RAB38: variants seen among roughly 807,000 people sequenced by gnomAD.
RAB38 encodes ras-related protein Rab-38.
RAB38 carries 15 observed loss-of-function variants against 18.4 expected under a neutral mutation model. The ratio of observed to expected loss-of-function variants is 0.82; its 90% CI spans 0.55 to 1.26. The LOEUF is 1.26. Among genes scored for constraint, RAB38 ranks in the 50% most tolerant of loss-of-function variants. The pLI is 0.00. For synonymous variants in RAB38, 101 were observed against 104.4 expected (o/e 0.97, Z 0.20); for missense variants, 294 against 267.4 (o/e 1.10, Z -0.69).
the RAB38 span, chr11:88,061,947 G>T: frequency 6.6e-6 from 1 of 151,946 alleles, no homozygotes; most frequent in Non-Finnish European, 1.5e-5. Context: ...CTTCAATTTT[G>T]CTGTTCAAGA....
At chr11:87,926,692 C>G in the RAB38 span, among the ~76,000 whole-genome samples, 1 of 151,952 alleles carries the variant, frequency 6.6e-6, no homozygotes, top group Non-Finnish European at 1.5e-5. Flanking sequence ...GCTGGTGCTG[C>G]TAAGGAGTTG....
chr11:87,831,341 C>T, the RAB38 span, among the ~76,000 whole-genome samples: 1 of 152,080 alleles, frequency 6.6e-6, no homozygotes, highest in South Asian at 2.1e-4. Context: ...TATGCTTAGC[C>T]CCATGTCTGT....
the RAB38 span, among the ~76,000 whole-genome samples, chr11:87,882,161 T>C: frequency 6.6e-6 from 1 of 151,886 alleles, no homozygotes; most frequent in African/African-American, 2.4e-5. Flanking sequence ...CATTCTTATA[T>C]CCTTGATTGC....
chr11:88,037,798 G>A, the RAB38 span, among the ~76,000 whole-genome samples: 1 of 152,018 alleles, frequency 6.6e-6, no homozygotes, highest in East Asian at 1.9e-4. Flanking sequence ...CCATTGTAAA[G>A]ATATAATAAC....
chr11:88,096,248 T>C, the RAB38 span, among the ~76,000 whole-genome samples: 9 of 152,030 alleles, frequency 5.9e-5, no homozygotes, highest in South Asian at 2.1e-4. Context: ...TTGACCTCTT[T>C]ACAGTTCCTT....
chr11:87,912,569 ATGT>A, the RAB38 span, among the ~76,000 whole-genome samples: 10 of 151,638 alleles, frequency 6.6e-5, no homozygotes, highest in Non-Finnish European at 1.5e-4. Flanking sequence ...TTGGTAATTT[ATGT>A]TGTTTTTTGC....
intron 1 of RAB38, among the ~76,000 whole-genome samples, chr11:88,153,279 C>T (rs1169445067): frequency 6.6e-6 from 1 of 152,158 alleles, no homozygotes; most frequent in Non-Finnish European, 1.5e-5. Context: ...AAACTTTGGC[C>T]CTCTGTCCCA....
At chr11:88,044,520 A>G in the RAB38 span, among the ~76,000 whole-genome samples, 1 of 152,232 alleles carries the variant, frequency 6.6e-6, no homozygotes, top group African/African-American at 2.4e-5. Flanking sequence ...TTCTTCTACA[A>G]TGCTGCTTGA....
At chr11:88,011,161 A>G in the RAB38 span, among the ~76,000 whole-genome samples, 1 of 152,248 alleles carries the variant, frequency 6.6e-6, no homozygotes, top group Non-Finnish European at 1.5e-5. Flanking sequence ...CTGGTGTATG[A>G]CAGATATAGT....
chr11:88,036,410 G>T, the RAB38 span, among the ~76,000 whole-genome samples: 1 of 152,118 alleles, frequency 6.6e-6, no homozygotes, highest in Non-Finnish European at 1.5e-5. Context: ...AATCATTAAT[G>T]CTAACAAAAA....
At chr11:88,088,947 C>CA in the RAB38 span, among the ~76,000 whole-genome samples, 31,513 of 148,694 alleles carry the variant, frequency 0.21, 4,150 homozygotes, top group African/African-American at 0.37. Context: ...CAGGAGCTGA[C>CA]AAAAAAAAAA....
At chr11:88,039,511 T>G in the RAB38 span, among the ~76,000 whole-genome samples, 3 of 152,100 alleles carry the variant, frequency 2.0e-5, no homozygotes, top group African/African-American at 7.2e-5. Context: ...CAGAAAAGTG[T>G]GCACAGGGAC....
At chr11:87,953,158 G>C in the RAB38 span, among the ~76,000 whole-genome samples, 1 of 151,992 alleles carries the variant, frequency 6.6e-6, no homozygotes, top group Admixed American at 6.6e-5. Context: ...TCTAGGACTG[G>C]AGGTATAATA....
the RAB38 span, among the ~76,000 whole-genome samples, chr11:88,086,201 A>G: frequency 3.3e-5 from 5 of 151,954 alleles, no homozygotes; most frequent in East Asian, 5.8e-4. Flanking sequence ...AGAAATAATA[A>G]TAGTTAGGAA....
At chr11:88,104,206 G>A in the RAB38 span, among the ~76,000 whole-genome samples, 1 of 152,030 alleles carries the variant, frequency 6.6e-6, no homozygotes, top group Non-Finnish European at 1.5e-5. Flanking sequence ...GCTTTTCCCG[G>A]CATTTGCTAT....
At chr11:87,862,457 A>T in the RAB38 span, among the ~76,000 whole-genome samples, 1 of 151,946 alleles carries the variant, frequency 6.6e-6, no homozygotes, top group Admixed American at 6.6e-5. Context: ...AAGCTAAATT[A>T]TGAGAACACA....
intron 2 of RAB38, among the ~76,000 whole-genome samples, chr11:88,137,351 C>A (rs1425915819): frequency 6.6e-6 from 1 of 152,092 alleles, no homozygotes; most frequent in Non-Finnish European, 1.5e-5. Context: ...TCAGAAAAAA[C>A]TTCAGAAAAA....
chr11:88,058,091 T>C, the RAB38 span, among the ~76,000 whole-genome samples: 3 of 152,180 alleles, frequency 2.0e-5, no homozygotes, highest in African/African-American at 7.2e-5. Flanking sequence ...AAGGAAAAGA[T>C]AAACCAGAGG....
At chr11:88,008,924 G>C in the RAB38 span, among the ~76,000 whole-genome samples, 1 of 152,096 alleles carries the variant, frequency 6.6e-6, no homozygotes, top group Non-Finnish European at 1.5e-5. Context: ...CGCCCGCCTC[G>C]GCCTCCCAAA....
Sources: gnomAD v4.1 joint callset for allele counts (sites outside exome capture counted in the v4.1 genomes callset) on GRCh38, gnomAD v4.1.1 for gene constraint, MANE v1.5 for transcripts, NCBI Gene and HGNC (gene_info 2026-07-23, HGNC 2026-07-21) for gene names.